The following ASTN2 variants were observed in gnomAD, a reference collection of about 807,000 sequenced individuals.
ASTN2 encodes the protein astrotactin 2, also known as astrotactin-2.
ASTN2 carries 54 observed loss-of-function variants against 139.8 expected under a neutral mutation model. The observed-to-expected ratio is 0.39, with a 90% CI of 0.31 to 0.48. The LOEUF (loss-of-function observed/expected upper bound fraction) is 0.48. Ranked by LOEUF, ASTN2 falls within the 20% of genes least tolerant of loss-of-function variation. ASTN2 has a pLI of 0.95. For synonymous variants in ASTN2, 756 were observed against 719.5 expected, an observed-to-expected ratio of 1.05 and a Z score of -0.81; for missense variants, 1,565 against 1,725.1, an observed-to-expected ratio of 0.91 and a Z score of 1.64.
At chr9:116,784,670 C>G (rs1348231227) in intron 13 of ASTN2, among the ~76,000 whole-genome samples, 4 of 152,222 alleles carry the variant, frequency 2.6e-5, no homozygotes, top group African/African-American at 9.6e-5. Context: ...GGGCTCATGC[C>G]TGTAATCCCA....
At chr9:117,093,250 A>G (rs1233183264) in intron 5 of ASTN2, among the ~76,000 whole-genome samples, 1 of 152,118 alleles carries the variant, frequency 6.6e-6, no homozygotes, top group African/African-American at 2.4e-5. Flanking sequence ...AGTAAATCCA[A>G]TGGTCCTTCT....
intron 5 of ASTN2, among the ~76,000 whole-genome samples, chr9:117,063,393 C>T (rs917891420): frequency 1.3e-5 from 2 of 152,238 alleles, no homozygotes; most frequent in South Asian, 2.1e-4. Context: ...TGATTTCTCC[C>T]ATGTTGTCTT....
At chr9:117,360,394 G>A (rs932014610) in intron 1 of ASTN2, among the ~76,000 whole-genome samples, 23 of 152,116 alleles carry the variant, frequency 1.5e-4, no homozygotes, top group Admixed American at 1.5e-3. Flanking sequence ...GGTAGTCAGA[G>A]AGGGCCTCTC....
chr9:116,683,103 A>G (rs1264166760), intron 16 of ASTN2, among the ~76,000 whole-genome samples: 2 of 151,848 alleles, frequency 1.3e-5, no homozygotes, highest in Non-Finnish European at 2.9e-5. Flanking sequence ...TTTGTCATCC[A>G]TATACAATTG....
intron 10 of ASTN2, among the ~76,000 whole-genome samples, chr9:116,894,008 A>C (rs1404028732): frequency 6.6e-6 from 1 of 152,016 alleles, no homozygotes; most frequent in Non-Finnish European, 1.5e-5. Flanking sequence ...TTTGCTTTTC[A>C]CTTCATTTGA....
intron 5 of ASTN2, among the ~76,000 whole-genome samples, chr9:117,048,390 C>T (rs1436301060): frequency 2.0e-5 from 3 of 152,228 alleles, no homozygotes; most frequent in African/African-American, 7.2e-5. Flanking sequence ...CCTGAAGCAG[C>T]TCACTGTGCT....
At chr9:116,782,373 C>A (rs1830242602) in intron 13 of ASTN2, among the ~76,000 whole-genome samples, 1 of 152,198 alleles carries the variant, frequency 6.6e-6, no homozygotes, top group African/African-American at 2.4e-5. Flanking sequence ...TTTGTTGGAA[C>A]AAAAGCTTCT....
intron 19 of ASTN2, among the ~76,000 whole-genome samples, chr9:116,548,856 C>G (rs1852218144): frequency 6.6e-6 from 1 of 152,082 alleles, no homozygotes; most frequent in Non-Finnish European, 1.5e-5. Context: ...GTCTGGGCAG[C>G]AGTACTTTTC....
chr9:116,676,252 G>A (rs190862542), intron 16 of ASTN2, among the ~76,000 whole-genome samples: 94 of 152,136 alleles, frequency 6.2e-4, no homozygotes, highest in African/African-American at 2.2e-3. Flanking sequence ...TCTCTGTCTG[G>A]GTAAACAGTA....
chr9:117,273,710 TA>T (rs1204509591), intron 2 of ASTN2, among the ~76,000 whole-genome samples: 1 of 152,176 alleles, frequency 6.6e-6, no homozygotes, highest in East Asian at 1.9e-4. Context: ...CACATGGTGT[TA>T]AAGGATGAAA....
intron 11 of ASTN2, among the ~76,000 whole-genome samples, chr9:116,832,124 T>C (rs1002181785): frequency 6.6e-6 from 1 of 152,178 alleles, no homozygotes; most frequent in African/African-American, 2.4e-5. Flanking sequence ...TTGTATTTTT[T>C]ATTTCAAATG....
chr9:116,726,080 G>T, intron 15 of ASTN2, 130 bp from the exon 16 acceptor site: 1 of 760,326 alleles, frequency 1.3e-6, no homozygotes, highest in Non-Finnish European at 2.1e-6. Flanking sequence ...CAGCTTGGTG[G>T]CTGCACTAGT....
chr9:116,482,748 G>A (rs142404476), intron 20 of ASTN2, among the ~76,000 whole-genome samples: 238 of 152,202 alleles, frequency 1.6e-3, no homozygotes, highest in Non-Finnish European at 2.3e-3. Flanking sequence ...CTAAGATAGA[G>A]CCTCTGGCCT....
At chr9:117,002,952 A>G (rs10739480) in intron 7 of ASTN2, among the ~76,000 whole-genome samples, 138,286 of 152,138 alleles carry the variant, frequency 0.91, 64,188 homozygotes, top group Non-Finnish European at 1. Flanking sequence ...TGCCACCTGT[A>G]GGAGGAAAAG....
At chr9:117,098,314 T>C (rs1444172418) in intron 4 of ASTN2, among the ~76,000 whole-genome samples, 1 of 152,094 alleles carries the variant, frequency 6.6e-6, no homozygotes, top group African/African-American at 2.4e-5. Flanking sequence ...AGAAAAATGA[T>C]TTGCTAATAA....
At chr9:117,248,065 T>C (rs1449640890) in intron 2 of ASTN2, among the ~76,000 whole-genome samples, 1 of 152,194 alleles carries the variant, frequency 6.6e-6, no homozygotes, top group African/African-American at 2.4e-5. Flanking sequence ...TGTGAAAGTC[T>C]ATTTACCGAA....
At chr9:116,544,186 T>A (rs908763846) in intron 19 of ASTN2, among the ~76,000 whole-genome samples, 1 of 152,166 alleles carries the variant, frequency 6.6e-6, no homozygotes, top group African/African-American at 2.4e-5. Context: ...CCCTGAAATT[T>A]GCACTGAGAC....
intron 10 of ASTN2, among the ~76,000 whole-genome samples, chr9:116,951,693 A>G (rs1835569331): frequency 6.6e-6 from 1 of 152,196 alleles, no homozygotes; most frequent in South Asian, 2.1e-4. Context: ...GGTTAAGATC[A>G]GTAGGGGATC....
chr9:117,166,128 A>C (rs1268241904), intron 3 of ASTN2, among the ~76,000 whole-genome samples: 2 of 152,142 alleles, frequency 1.3e-5, no homozygotes, highest in Non-Finnish European at 1.5e-5. Flanking sequence ...TTATCAATAA[A>C]ATTAATAATA....
Sources: gnomAD v4.1 joint callset for allele counts (sites outside exome capture counted in the v4.1 genomes callset) on GRCh38, gnomAD v4.1.1 for gene constraint, MANE v1.5 for transcripts, NCBI Gene and HGNC (gene_info 2026-07-23, HGNC 2026-07-21) for gene names.